Variants in TMEM266 observed in about 807,000 individuals in gnomAD.
TMEM266 encodes Hv1 related protein 1.
In TMEM266, 33 loss-of-function variants were observed where a neutral mutation model predicts 50.5. That is an observed-to-expected ratio of 0.65 (90% CI 0.50 to 0.87). TMEM266 has a LOEUF of 0.87. Ranked by LOEUF, TMEM266 falls within the 40% of genes least tolerant of loss-of-function variation. The probability of loss-of-function intolerance (pLI) is 0.00; values close to 1 mark genes in which losing one functional copy is unlikely to be tolerated. For synonymous variants in TMEM266, 310 were observed against 292.3 expected (o/e 1.06, Z -0.62); for missense variants, 655 against 695.1 (o/e 0.94, Z 0.65).
chr15:76,114,664 A>AT (rs1015040524), intron 1 of TMEM266, among the ~76,000 whole-genome samples: 4 of 152,142 alleles, frequency 2.6e-5, no homozygotes, highest in African/African-American at 9.7e-5. Context: ...ATATATCTAG[A>AT]TTTTTTATAG....
At chr15:76,093,289 G>GC (rs2036877771) in intron 1 of TMEM266, among the ~76,000 whole-genome samples, 1 of 149,510 alleles carries the variant, frequency 6.7e-6, no homozygotes, top group African/African-American at 2.5e-5. Flanking sequence ...CCTCCCTCTA[G>GC]CCCCCCACCC....
intron 1 of TMEM266, among the ~76,000 whole-genome samples, chr15:76,120,329 A>G (rs1427387111): frequency 6.6e-6 from 1 of 152,190 alleles, no homozygotes; most frequent in Non-Finnish European, 1.5e-5. Flanking sequence ...TTAGAGTTTT[A>G]CTACCTGACT....
chr15:76,170,293 G>A (rs1255167661), intron 6 of TMEM266, among the ~76,000 whole-genome samples: 3 of 152,218 alleles, frequency 2.0e-5, no homozygotes, highest in Non-Finnish European at 4.4e-5. Context: ...AGGGAGGCCT[G>A]GCTGTCGCTG....
intron 4 of TMEM266, among the ~76,000 whole-genome samples, chr15:76,158,428 C>A (rs2037960985): frequency 6.6e-6 from 1 of 152,170 alleles, no homozygotes; most frequent in Non-Finnish European, 1.5e-5. Context: ...TTTTATGAGA[C>A]CTGCCCATAA....
At position 76,082,500 on chromosome 15, in the gene TMEM266, C is replaced by T. The variant is rs77840624; in HGVS notation, c.-97+22484C>T. Among the ~76,000 whole-genome samples, 1,495 of 152,192 alleles carry T rather than the reference C, an allele frequency of 9.8e-3. 17 individuals are homozygous for T. The highest frequency in any genetic ancestry group is 0.034 in the African/African-American group (1,408 of 41,516). On this transcript the variant is annotated intron_variant, in intron 1 of 10. Transcript: ENST00000388942. ...AGAGTATTATGATGGAGTCAGGCCCCGTATGTTATTGGAGCACAGAATTGC... is the reference window on the plus strand; with the variant it reads ...AGAGTATTATGATGGAGTCAGGCCCTGTATGTTATTGGAGCACAGAATTGC...
intron 8 of TMEM266, among the ~76,000 whole-genome samples, chr15:76,189,960 A>G (rs1488295107): frequency 6.6e-6 from 1 of 152,256 alleles, no homozygotes; most frequent in Non-Finnish European, 1.5e-5. Flanking sequence ...CCGAACCTAT[A>G]GACACTGACA....
Position 76,161,660 on chromosome 15 carries a change from G to A in TMEM266, c.456+1492G>A, listed in dbSNP as rs913885533. On this transcript the variant is annotated intron_variant, in intron 5 of 10. Coordinates refer to ENST00000388942, the MANE Select transcript of TMEM266 (RefSeq NM_152335.3). This position sits in a 1 kb window ranked among gnomAD's most constrained non-coding sequence, Gnocchi z 4.1. The stretch of plus-strand genomic sequence containing the variant: ...GCCTGGGCCTGAGGCTCAGATGGAG[G>A]GGGCAGATCGCAGCACTGCCCTCCC... 1.3e-5 allele frequency among the ~76,000 whole-genome samples: 2 copies of A among 152,266 alleles called. No individual in the cohort carries two copies. The highest frequency in any genetic ancestry group is 4.8e-5 in the African/African-American group (2 of 41,552).
At chr15:76,079,051 C>T (rs991822610) in intron 1 of TMEM266, among the ~76,000 whole-genome samples, 9 of 152,210 alleles carry the variant, frequency 5.9e-5, no homozygotes, top group Admixed American at 1.3e-4. Flanking sequence ...CATTCGTATT[C>T]TGAGCTCAGA....
chr15:76,204,887 G>A lies in TMEM266; in HGVS notation c.*572G>A, dbSNP rs962559545. On this transcript the variant is annotated 3_prime_UTR_variant, in exon 11 of 11. Transcript: ENST00000388942. Reference sequence around the variant, plus strand: ...TATAAAGGGATCAACCTAGAGGTGGGTGGGAGGGTCCTAGAGGGCAGGGGA... The same window carrying A: ...TATAAAGGGATCAACCTAGAGGTGGATGGGAGGGTCCTAGAGGGCAGGGGA... The A allele has an allele frequency of 6.6e-6, 1 of 152,644 alleles. No homozygotes were observed. The highest frequency in any genetic ancestry group is 2.4e-5 in the African/African-American group (1 of 41,428). 9.5% of individuals were successfully genotyped at this position (152,644 alleles called of 1,614,324 possible). A position where few individuals can be genotyped will look rare whatever the true frequency, so the allele number is the denominator to read the frequency against.
chr15:76,079,090 C>T (rs773670616), intron 1 of TMEM266, among the ~76,000 whole-genome samples: 5 of 152,224 alleles, frequency 3.3e-5, no homozygotes, highest in African/African-American at 4.8e-5. Flanking sequence ...ACGTGGCTCA[C>T]GCCTATAATC....
intron 9 of TMEM266, among the ~76,000 whole-genome samples, chr15:76,195,715 G>A (rs2038644185): frequency 6.6e-6 from 1 of 152,236 alleles, no homozygotes; most frequent in Admixed American, 6.5e-5. Flanking sequence ...GCTGCTCTCC[G>A]CAGCACCTCC....
rs572594609 is a variant in TMEM266, at chr15:76,094,309, G to T, written c.-97+34293G>T. Among the ~76,000 whole-genome samples the T allele has an allele frequency of 2.6e-5, 4 of 152,064 alleles. No individual in the cohort carries two copies. In the South Asian group the frequency reaches 6.2e-4, roughly 24 times the overall value. ...ATTTTTCTATAAGGTGTAAGGAAGG[G>T]GTCCAGTTTCAGTTTTCTGCAGATG... On this transcript the variant is annotated intron_variant, in intron 1 of 10. Coordinates refer to ENST00000388942, the MANE Select transcript of TMEM266 (RefSeq NM_152335.3).
At chr15:76,092,563 G>A (rs1371026958) in intron 1 of TMEM266, among the ~76,000 whole-genome samples, 3 of 151,746 alleles carry the variant, frequency 2.0e-5, no homozygotes, top group Non-Finnish European at 4.4e-5. Flanking sequence ...GGTGGTAGGT[G>A]CCTGTAATCC....
chr15:76,104,465 G>A (rs2037051059), intron 1 of TMEM266, among the ~76,000 whole-genome samples: 1 of 152,186 alleles, frequency 6.6e-6, no homozygotes, highest in African/African-American at 2.4e-5. Context: ...ACTGGACAGC[G>A]CTGATATGTC....
intron 1 of TMEM266, among the ~76,000 whole-genome samples, chr15:76,118,590 G>A (rs2037289413): frequency 6.6e-6 from 1 of 152,118 alleles, no homozygotes; most frequent in Non-Finnish European, 1.5e-5. Context: ...TGAGGGCAAG[G>A]GTTGCCTTAT....
At chr15:76,116,107 G>A (rs1014582124) in intron 1 of TMEM266, among the ~76,000 whole-genome samples, 6 of 152,096 alleles carry the variant, frequency 3.9e-5, no homozygotes, top group Admixed American at 2.6e-4. Flanking sequence ...TTAGCCTCAC[G>A]GTTACAGGCA....
intron 1 of TMEM266, among the ~76,000 whole-genome samples, chr15:76,063,589 C>G (rs2036349278): frequency 6.6e-6 from 1 of 152,164 alleles, no homozygotes; most frequent in African/African-American, 2.4e-5. Context: ...CCACAGCATC[C>G]TTTCCTCCTC....
intron 1 of TMEM266, among the ~76,000 whole-genome samples, chr15:76,089,447 C>T (rs561839400): frequency 7.9e-5 from 12 of 152,210 alleles, no homozygotes; most frequent in Non-Finnish European, 1.5e-4. Context: ...CCCGCCTCAG[C>T]CTCCCAAAGT....
chr15:76,067,501 G>A (rs1054496147), intron 1 of TMEM266, among the ~76,000 whole-genome samples: 1 of 151,794 alleles, frequency 6.6e-6, no homozygotes, highest in African/African-American at 2.4e-5. Context: ...AAAATTAACT[G>A]GTGTGGTGGC....
Sources: allele counts gnomAD v4.1 joint callset (sites outside exome capture counted in the v4.1 genomes callset), GRCh38; gene constraint gnomAD v4.1.1; non-coding constraint Gnocchi (gnomAD v3.1); transcripts MANE v1.5; gene names NCBI Gene and HGNC (gene_info 2026-07-23, HGNC 2026-07-21).